C12orf71: variants seen among roughly 807,000 people sequenced by gnomAD.
C12orf71 encodes the protein chromosome 12 open reading frame 71, also known as uncharacterized protein C12orf71.
A neutral mutation model predicts 11.7 loss-of-function variants in C12orf71; 10 were observed. The ratio of observed to expected loss-of-function variants is 0.86; its 90% CI spans 0.53 to 1.45. C12orf71 has a LOEUF of 1.45. Ranked by LOEUF, C12orf71 falls within the 40% of genes most tolerant of loss-of-function variation. C12orf71 has a pLI of 0.00. For missense variants in C12orf71, 293 were observed against 325.8 expected, an observed-to-expected ratio of 0.90 and a Z score of 0.78; for synonymous variants, 110 against 123.4, an observed-to-expected ratio of 0.89 and a Z score of 0.72.
chr12:27,081,990 C>T lies in C12orf71; in HGVS notation c.494G>A (p.Gly165Asp), dbSNP rs1165168564. 2.5e-6 allele frequency: 4 copies of T among 1,583,966 alleles called. No homozygotes were observed. The highest frequency in any genetic ancestry group is 3.4e-6 in the Non-Finnish European group (4 of 1,163,426). Residue 165 changes from glycine to aspartate, a missense_variant, in exon 1 of 2, where the codon GGC becomes GAC. Physicochemically the swap from Gly to Asp is moderately conservative, Grantham distance 94. Transcript: ENST00000429849. The part of the protein sequence containing the change: ...TAQQDFQLSS[G>D]SPPEMVQMIS... Reference sequence around the variant, plus strand: ...GACCTGAACCATTTCCGGAGGGGAGCCGCTGGATAGCTGGAAATCTTGCTG... The same window carrying T: ...GACCTGAACCATTTCCGGAGGGGAGTCGCTGGATAGCTGGAAATCTTGCTG...
intron 1 of C12orf71, 27 bp from the exon 2 acceptor site, chr12:27,081,494 G>A: frequency 6.3e-7 from 1 of 1,590,410 alleles, no homozygotes; most frequent in Admixed American, 1.7e-5. Flanking sequence ...GGATGTGTTA[G>A]GTAGGAATAA....
In C12orf71 at chr12:27,081,474, T is replaced by C. The variant is rs1182272364; in HGVS notation, c.517-7A>G. 2 of 1,602,662 alleles carry C rather than the reference T, an allele frequency of 1.2e-6. No individual in the cohort carries two copies. Among genetic ancestry groups the C allele is most frequent in the African/African-American group, 2.7e-5 (2 of 74,652 alleles). ...CGGTTGCCTGGCTTATCATCTGCCA[T>C]GAAAATGAAGGATGTGTTAGGTAGG... On this transcript the variant is annotated splice_region_variant and splice_polypyrimidine_tract_variant and intron_variant, in intron 1 of 1. Coordinates refer to ENST00000429849, the MANE Select transcript of C12orf71 (RefSeq NM_001080406.2).
Position 27,082,278 on chromosome 12 carries a change from C to G in C12orf71, c.206G>C (p.Arg69Pro), listed in dbSNP as rs201692205. 6.2e-7 allele frequency: 1 copy of G among 1,608,958 alleles called. No individual in the cohort carries two copies. The highest frequency in any genetic ancestry group is 1.7e-5 in the Admixed American group (1 of 59,468). ...CTGAATTTGGTCTTGTCTCTTCATG[C>G]GTCTCCCTATCCTTTCAGTCCCCCA... is the stretch of plus-strand genomic sequence containing the variant. Reference protein sequence around the residue: ...GAWGTERIGRRMKRQDQIQDE... With the variant: ...GAWGTERIGRPMKRQDQIQDE... Residue 69 changes from arginine to proline, a missense_variant, in exon 1 of 2, where the codon CGC (arginine) becomes CCC (proline). Arg to Pro is a moderately radical substitution (Grantham distance 103). Transcript: ENST00000429849.
At chr12:27,081,706 G>C in intron 1 of C12orf71, 1 of 684,768 alleles carries the variant, frequency 1.5e-6, no homozygotes, top group South Asian at 1.6e-5. Context: ...TTTCCCTACA[G>C]CTTCACCCTG....
At position 27,081,507 on chromosome 12, in the gene C12orf71, A is replaced by G. The variant is rs757800284; in HGVS notation, c.517-40T>C. On this transcript the variant is annotated intron_variant, in intron 1 of 1. Coordinates refer to ENST00000429849, the MANE Select transcript of C12orf71 (RefSeq NM_001080406.2). The stretch of plus-strand genomic sequence containing the variant: ...AAGGATGTGTTAGGTAGGAATAACC[A>G]TGACAACAGCCAAATCAACGTTTAC... 4 of 1,564,254 alleles carry G rather than the reference A, an allele frequency of 2.6e-6. No individual in the cohort carries two copies. In the South Asian group the frequency reaches 4.8e-5, roughly 19 times the overall value.
upstream of C12orf71, chr12:27,082,629 A>G (rs1264023485): frequency 5.7e-6 from 3 of 527,804 alleles, no homozygotes; most frequent in African/African-American, 2.0e-5. Flanking sequence ...TTTTTTTTTG[A>G]GACGAAGTCT....
At chr12:27,081,595 G>T in intron 1 of C12orf71, 128 bp from the exon 2 acceptor site, 1 of 882,762 alleles carries the variant, frequency 1.1e-6, no homozygotes. Flanking sequence ...GAGTTTCAAT[G>T]CTCATCAATA....
chr12:27,082,597 A>C, upstream of C12orf71: 6 of 725,478 alleles, frequency 8.3e-6, no homozygotes, highest in Non-Finnish European at 1.2e-5. Context: ...AACATTATCC[A>C]TTCCCTTCTC....
In C12orf71 at chr12:27,081,838, C is replaced by T. The variant is rs75900936; in HGVS notation, c.516+130G>A. The T allele has an allele frequency of 3.3e-3, 3,212 of 983,034 alleles. 65 individuals carry two copies. In the African/African-American group the frequency reaches 0.038, roughly 12 times the overall value. The allele number at this position is 983,034 out of a possible 1,614,324, so 60.9% of individuals were successfully genotyped here. On this transcript the variant is annotated intron_variant, in intron 1 of 1. Transcript: ENST00000429849. Reference sequence around the variant, plus strand: ...TATCCCTTCCTGTCCTGTGAGGCATCTCTGCTCTCCTCAGCCAGCTCATGT... The same window carrying T: ...TATCCCTTCCTGTCCTGTGAGGCATTTCTGCTCTCCTCAGCCAGCTCATGT...
chr12:27,083,973 G>C (rs1473968267), upstream of C12orf71, among the ~76,000 whole-genome samples: 1 of 152,038 alleles, frequency 6.6e-6, no homozygotes, highest in Non-Finnish European at 1.5e-5. Context: ...CGCACACACA[G>C]ACACACACAC....
rs371980107 is a variant in C12orf71, at chr12:27,082,368, G to T, written c.116C>A (p.Thr39Asn). The T allele has an allele frequency of 4.4e-6, 7 of 1,592,910 alleles. No individual in the cohort carries two copies. Among genetic ancestry groups the T allele is most frequent in the Non-Finnish European group, 5.1e-6 (6 of 1,171,306 alleles). The change falls in exon 1 of 2, where the codon ACC becomes AAC. Residue 39 changes from threonine to asparagine, a missense_variant. By Grantham distance (65) the Thr-to-Asn change is moderately conservative. Transcript: ENST00000429849. ...CTTGGAAGGTGCATCTTCCCAGGAG[G>T]TTGTGTCCTCACAGGGGGTGTCCTC... ...PCEDTPCEDT[T>N]SWEDAPSKGP...
Position 27,081,329 on chromosome 12 carries a change from A to C in C12orf71, c.655T>G (p.Trp219Gly). Residue 219 changes from tryptophan (W) to glycine (G), a missense_variant, in exon 2 of 2, where the codon TGG becomes GGG. By Grantham distance (184) the Trp-to-Gly change is radical. Coordinates refer to ENST00000429849, the MANE Select transcript of C12orf71 (RefSeq NM_001080406.2). ...CCLNFGWAFS[W>G]LRQRILPSLL... ...GAGGGGAGGATACGCTGCCTCAGCC[A>C]GCTGAAGGCCCACCCAAAGTTCAGG... The C allele has an allele frequency of 1.9e-6, 3 of 1,614,032 alleles. No homozygotes were observed. Among genetic ancestry groups the C allele is most frequent in the Admixed American group, 3.3e-5 (2 of 60,012 alleles).
rs1941928862 is a variant in C12orf71, at chr12:27,081,235, A to T, written c.749T>A (p.Leu250His). 6.2e-7 allele frequency: 1 copy of T among 1,613,872 alleles called. No individual in the cohort carries two copies. Among genetic ancestry groups the T allele is most frequent in the Non-Finnish European group, 8.5e-7 (1 of 1,179,826 alleles). Residue 250 changes from leucine to histidine, a missense_variant, in exon 2 of 2, where the codon CTC becomes CAC. Physicochemically the swap from Leu to His is moderately conservative, Grantham distance 99. Coordinates refer to ENST00000429849, the MANE Select transcript of C12orf71 (RefSeq NM_001080406.2). ...SPHRSAPTKR[L>H]FHRGKRIQPQ... ...TTGAATTCTCTTGCCTCTGTGAAAG[A>T]GTCTTTTCGTTGGTGCTGACCGATG...
Position 27,081,123 on chromosome 12 carries a change from G to T in C12orf71, c.*51C>A. On this transcript the variant is annotated 3_prime_UTR_variant, in exon 2 of 2. Coordinates refer to ENST00000429849, the MANE Select transcript of C12orf71 (RefSeq NM_001080406.2). ...AACAAACTGATGGGGATTATTAATG[G>T]AATCCTTATTATGGATTATTTTAAA... 1 of 1,374,134 alleles carries T rather than the reference G, an allele frequency of 7.3e-7. No homozygotes were observed. The highest frequency in any genetic ancestry group is 1.0e-6 in the Non-Finnish European group (1 of 1,000,156). 85.1% of individuals were successfully genotyped at this position (1,374,134 alleles called of 1,614,324 possible).
chr12:27,082,381 A>G lies in C12orf71; in HGVS notation c.103T>C (p.Cys35Arg). ...TCTTCCCAGGAGGTTGTGTCCTCAC[A>G]GGGGGTGTCCTCACAGGGGAAATAG... is the stretch of plus-strand genomic sequence containing the variant. Reference protein sequence around the residue: ...VGYFPCEDTPCEDTTSWEDAP... With the variant: ...VGYFPCEDTPREDTTSWEDAP... Residue 35 changes from cysteine to arginine, a missense_variant, in exon 1 of 2, where the codon TGT (cysteine) becomes CGT (arginine). Physicochemically the swap from Cys to Arg is radical, Grantham distance 180. Transcript: ENST00000429849. 1 of 1,581,086 alleles carries G rather than the reference A, an allele frequency of 6.3e-7. No individual in the cohort carries two copies. Among genetic ancestry groups the G allele is most frequent in the Non-Finnish European group, 8.6e-7 (1 of 1,166,870 alleles).
At chr12:27,082,650 C>A (rs1941947742), upstream of C12orf71, 1 of 521,192 alleles carries the variant, frequency 1.9e-6, no homozygotes, top group South Asian at 6.1e-5. Context: ...CACTCTGTCT[C>A]CCAGGCTGGA....
chr12:27,083,992 A>C, upstream of C12orf71, among the ~76,000 whole-genome samples: 1 of 152,220 alleles, frequency 6.6e-6, no homozygotes, highest in Admixed American at 6.5e-5. Flanking sequence ...ACACAAACAA[A>C]AGACTGTCAC....
At chr12:27,082,972 G>A (rs140317720), upstream of C12orf71, among the ~76,000 whole-genome samples, 1 of 150,546 alleles carries the variant, frequency 6.6e-6, no homozygotes, top group Non-Finnish European at 1.5e-5. Flanking sequence ...ATGGAGCCTC[G>A]CTCTGTTGTC....
At chr12:27,084,088 C>T (rs1372222798), upstream of C12orf71, among the ~76,000 whole-genome samples, 1 of 152,172 alleles carries the variant, frequency 6.6e-6, no homozygotes, top group Non-Finnish European at 1.5e-5. Context: ...CTTCACATCC[C>T]GAGTCTCCGT....
Sources: allele counts gnomAD v4.1 joint callset (sites outside exome capture counted in the v4.1 genomes callset), GRCh38; gene constraint gnomAD v4.1.1; transcripts MANE v1.5; gene names NCBI Gene and HGNC (gene_info 2026-07-23, HGNC 2026-07-21).